Variants in CAST observed in about 807,000 individuals in gnomAD.
CAST encodes the protein calpastatin.
Under a neutral mutation model 119.6 loss-of-function variants are expected in CAST, and 76 were observed. The ratio of observed to expected loss-of-function variants is 0.64; its 90% CI spans 0.53 to 0.77. The LOEUF (loss-of-function observed/expected upper bound fraction) is 0.77, where lower values mean the gene tolerates loss of function less well. Ranked by LOEUF, CAST falls within the 30% of genes least tolerant of loss-of-function variation. The probability of loss-of-function intolerance (pLI) is 0.00; values close to 1 mark genes in which losing one functional copy is unlikely to be tolerated. For synonymous variants in CAST, 319 were observed against 331.6 expected, an observed-to-expected ratio of 0.96 and a Z score of 0.41; for missense variants, 953 against 946.5, an observed-to-expected ratio of 1.01 and a Z score of -0.09.
the CAST span, among the ~76,000 whole-genome samples, chr5:96,495,216 T>G: frequency 6.6e-6 from 1 of 152,046 alleles, no homozygotes; most frequent in African/African-American, 2.4e-5. Context: ...TTAAAATAAG[T>G]GACTTGTAAT....
chr5:96,677,660 G>A (rs1276915437), intron 2 of CAST, among the ~76,000 whole-genome samples: 1 of 152,218 alleles, frequency 6.6e-6, no homozygotes, highest in African/African-American at 2.4e-5. Flanking sequence ...CTGCCCTTGT[G>A]CCAGAGCCTG....
At chr5:96,240,144 A>G in the CAST span, among the ~76,000 whole-genome samples, 12 of 152,160 alleles carry the variant, frequency 7.9e-5, no homozygotes, top group Admixed American at 3.9e-4. Flanking sequence ...TCATAATTCC[A>G]TATCAATATT....
intron 1 of CAST, among the ~76,000 whole-genome samples, chr5:96,557,682 C>G (rs528899922): frequency 6.6e-6 from 1 of 152,188 alleles, no homozygotes; most frequent in Non-Finnish European, 1.5e-5. Flanking sequence ...GCACCCAATA[C>G]AGGAGCACCC....
At chr5:96,695,999 C>T (rs1238729626) in intron 3 of CAST, 92 bp downstream of exon 3, 1 of 684,808 alleles carries the variant, frequency 1.5e-6, no homozygotes, top group Non-Finnish European at 2.5e-6. Context: ...AAACAGTGTC[C>T]AGATATCACT....
At chr5:96,243,372 G>C in the CAST span, among the ~76,000 whole-genome samples, 1 of 151,392 alleles carries the variant, frequency 6.6e-6, no homozygotes, top group Non-Finnish European at 1.5e-5. Context: ...ACTAATCCTA[G>C]GGTAATGGAA....
the CAST span, among the ~76,000 whole-genome samples, chr5:96,245,271 G>A: frequency 6.6e-6 from 1 of 152,152 alleles, no homozygotes; most frequent in East Asian, 1.9e-4. Flanking sequence ...TGGCAGTAAG[G>A]TTTTAGACAC....
chr5:96,499,724 G>T, the CAST span, among the ~76,000 whole-genome samples: 5 of 152,126 alleles, frequency 3.3e-5, no homozygotes, highest in Non-Finnish European at 2.9e-5. Flanking sequence ...CAATCCTCTC[G>T]AACCCTGCTG....
At chr5:95,985,857 G>T in the CAST span, among the ~76,000 whole-genome samples, 1 of 152,164 alleles carries the variant, frequency 6.6e-6, no homozygotes, top group Middle Eastern at 3.2e-3. Flanking sequence ...ACTGTGGCTT[G>T]AAATTCAAAT....
At chr5:95,982,452 C>G in the CAST span, among the ~76,000 whole-genome samples, 2 of 152,080 alleles carry the variant, frequency 1.3e-5, no homozygotes, top group Non-Finnish European at 2.9e-5. Context: ...ATTGAGGGTC[C>G]CCAAGGATGT....
the CAST span, among the ~76,000 whole-genome samples, chr5:96,438,559 G>A: frequency 6.6e-6 from 1 of 151,926 alleles, no homozygotes; most frequent in Non-Finnish European, 1.5e-5. Flanking sequence ...TTATATTATG[G>A]TCCTTAATTT....
chr5:96,034,942 C>G, the CAST span, among the ~76,000 whole-genome samples: 1 of 150,470 alleles, frequency 6.6e-6, no homozygotes, highest in South Asian at 2.1e-4. Context: ...AATGATAGAG[C>G]TTCCTTCTTT....
chr5:96,253,214 C>G, the CAST span, among the ~76,000 whole-genome samples: 1 of 152,052 alleles, frequency 6.6e-6, no homozygotes, highest in Non-Finnish European at 1.5e-5. Flanking sequence ...GGAGTTTAAT[C>G]TATCCAGGGC....
chr5:96,499,601 A>G, the CAST span, among the ~76,000 whole-genome samples: 256 of 152,344 alleles, frequency 1.7e-3, no homozygotes, highest in African/African-American at 6.0e-3. Context: ...AAATAAGACA[A>G]CAACGAAGTT....
At chr5:96,238,357 T>TCTC in the CAST span, among the ~76,000 whole-genome samples, 2,711 of 79,372 alleles carry the variant, frequency 0.034, 78 homozygotes, top group Non-Finnish European at 0.048. Flanking sequence ...ATCTTCATCT[T>TCTC]CTTCTTCTCC....
chr5:96,529,562 CT>C (rs1745653938), upstream of CAST, among the ~76,000 whole-genome samples: 1 of 152,020 alleles, frequency 6.6e-6, no homozygotes, highest in Non-Finnish European at 1.5e-5. Flanking sequence ...TATAAATAAG[CT>C]TTTTGAGATT....
chr5:96,193,667 G>T, the CAST span, among the ~76,000 whole-genome samples: 1 of 145,406 alleles, frequency 6.9e-6, no homozygotes, highest in African/African-American at 2.8e-5. Context: ...ATAACTCAAA[G>T]TTGTATTTTT....
Position 96,762,908 on chromosome 5 carries a change from A to G in CAST, c.1932+536A>G, listed in dbSNP as rs184934804. 352 of 470,852 alleles carry G rather than the reference A, an allele frequency of 7.5e-4. 1 individual carries two copies. The highest frequency in any genetic ancestry group is 2.7e-4 in the Non-Finnish European group (71 of 259,014). 29.2% of individuals were successfully genotyped at this position (470,852 alleles called of 1,614,324 possible). On this transcript the variant is annotated intron_variant, in intron 25 of 31. Transcript: ENST00000675179. ...GCAGTAGAAGAACCTCAGCATCAAT[A>G]TTGTTTTAATTATTTACATGCTGTG... is the stretch of plus-strand genomic sequence containing the variant.
the CAST span, among the ~76,000 whole-genome samples, chr5:96,173,388 T>C: frequency 6.6e-6 from 1 of 152,220 alleles, no homozygotes; most frequent in Non-Finnish European, 1.5e-5. Flanking sequence ...ACATATAATG[T>C]AAACAATTTG....
At chr5:96,026,585 C>T in the CAST span, among the ~76,000 whole-genome samples, 1 of 152,184 alleles carries the variant, frequency 6.6e-6, no homozygotes, top group Non-Finnish European at 1.5e-5. Context: ...ACTCGAACTC[C>T]ATGAAGTATT....
Sources: allele counts gnomAD v4.1 joint callset (sites outside exome capture counted in the v4.1 genomes callset), GRCh38; gene constraint gnomAD v4.1.1; transcripts MANE v1.5; gene names NCBI Gene and HGNC (gene_info 2026-07-23, HGNC 2026-07-21).